The following AKAP19 variants were observed in gnomAD, a reference collection of about 807,000 sequenced individuals.
AKAP19 encodes small A-kinase anchoring protein.
chr2:190,062,766 C>T, the AKAP19 span: 1 of 610,324 alleles, frequency 1.6e-6, no homozygotes, highest in African/African-American at 1.9e-5. Flanking sequence ...TATATTCCAA[C>T]TTAGATGAGA....
chr2:189,981,216 G>C, the AKAP19 span, among the ~76,000 whole-genome samples: 2 of 150,970 alleles, frequency 1.3e-5, no homozygotes, highest in Non-Finnish European at 2.9e-5. Flanking sequence ...TTATTCAGCA[G>C]AGTTAAATCT....
At chr2:190,138,546 G>A in the AKAP19 span, among the ~76,000 whole-genome samples, 1 of 152,086 alleles carries the variant, frequency 6.6e-6, no homozygotes, top group African/African-American at 2.4e-5. Flanking sequence ...TTATCCCCAT[G>A]GCTGCTGAGA....
At chr2:190,084,155 T>C in the AKAP19 span, among the ~76,000 whole-genome samples, 1 of 148,306 alleles carries the variant, frequency 6.7e-6, no homozygotes, top group African/African-American at 2.5e-5. Flanking sequence ...TGCAGTGGCA[T>C]GGTCTCTGCT....
the AKAP19 span, among the ~76,000 whole-genome samples, chr2:190,116,529 T>C: frequency 6.6e-6 from 1 of 152,300 alleles, no homozygotes; most frequent in South Asian, 2.1e-4. Context: ...CAGTTAAAAC[T>C]ATAGCACATT....
At chr2:189,906,669 G>A in the AKAP19 span, among the ~76,000 whole-genome samples, 1 of 152,154 alleles carries the variant, frequency 6.6e-6, no homozygotes, top group East Asian at 1.9e-4. Flanking sequence ...TAGCTGCATA[G>A]TATTCCAACA....
chr2:189,961,984 C>T, the AKAP19 span, among the ~76,000 whole-genome samples: 4 of 151,514 alleles, frequency 2.6e-5, no homozygotes, highest in Admixed American at 2.6e-4. Flanking sequence ...TATTTTCATA[C>T]AAATGAATGG....
chr2:189,882,403 G>C, the AKAP19 span, among the ~76,000 whole-genome samples: 1 of 152,102 alleles, frequency 6.6e-6, no homozygotes. Context: ...TCAGGGTACA[G>C]CTTGCTTTTA....
the AKAP19 span, among the ~76,000 whole-genome samples, chr2:189,975,772 A>G: frequency 2.1e-4 from 32 of 152,330 alleles, no homozygotes; most frequent in African/African-American, 7.7e-4. Flanking sequence ...CAGTTGATCG[A>G]ATCGGCTACT....
chr2:189,978,623 A>T, the AKAP19 span, among the ~76,000 whole-genome samples: 1 of 152,338 alleles, frequency 6.6e-6, no homozygotes, highest in Admixed American at 6.5e-5. Context: ...TTTCAAAAAC[A>T]AAATTAAAAA....
chr2:190,048,984 A>G, the AKAP19 span, among the ~76,000 whole-genome samples: 4 of 152,146 alleles, frequency 2.6e-5, no homozygotes, highest in Non-Finnish European at 5.9e-5. Context: ...TTTGGAATAT[A>G]CTCCTCACAT....
At chr2:189,948,025 A>C in the AKAP19 span, among the ~76,000 whole-genome samples, 8 of 152,236 alleles carry the variant, frequency 5.3e-5, no homozygotes, top group African/African-American at 1.7e-4. Flanking sequence ...TGAATCATGA[A>C]ATATTTAACG....
the AKAP19 span, among the ~76,000 whole-genome samples, chr2:190,000,361 A>G: frequency 1.3e-5 from 2 of 152,228 alleles, no homozygotes; most frequent in Non-Finnish European, 2.9e-5. Flanking sequence ...CAGGTCAGCT[A>G]TCTTCTAAGC....
the AKAP19 span, among the ~76,000 whole-genome samples, chr2:189,972,827 GA>G: frequency 6.6e-6 from 1 of 152,180 alleles, no homozygotes; most frequent in Non-Finnish European, 1.5e-5. Flanking sequence ...TTTGCACATT[GA>G]TTTTGTATCC....
At chr2:190,037,902 A>G in the AKAP19 span, among the ~76,000 whole-genome samples, 1 of 152,190 alleles carries the variant, frequency 6.6e-6, no homozygotes, top group African/African-American at 2.4e-5. Flanking sequence ...TTTACAATGA[A>G]AAATTTAGGG....
the AKAP19 span, among the ~76,000 whole-genome samples, chr2:189,910,302 T>C: frequency 6.6e-6 from 1 of 152,102 alleles, no homozygotes; most frequent in Non-Finnish European, 1.5e-5. Flanking sequence ...TTGATAGGCA[T>C]TAAGGATAAC....
chr2:190,004,109 T>C, the AKAP19 span, among the ~76,000 whole-genome samples: 2 of 144,982 alleles, frequency 1.4e-5, no homozygotes, highest in Non-Finnish European at 3.0e-5. Context: ...TCTACTCTAG[T>C]GGAAAATTCT....
the AKAP19 span, among the ~76,000 whole-genome samples, chr2:190,010,553 A>G: frequency 6.6e-6 from 1 of 152,174 alleles, no homozygotes; most frequent in African/African-American, 2.4e-5. Context: ...GTAAAATTCC[A>G]CTTAAAATGC....
At chr2:190,140,483 CA>C in the AKAP19 span, among the ~76,000 whole-genome samples, 1 of 152,332 alleles carries the variant, frequency 6.6e-6, no homozygotes, top group African/African-American at 2.4e-5. Flanking sequence ...GAAATCTAGG[CA>C]GAGGTTCCCA....
At chr2:189,976,902 A>G in the AKAP19 span, among the ~76,000 whole-genome samples, 17 of 152,242 alleles carry the variant, frequency 1.1e-4, no homozygotes, top group African/African-American at 4.1e-4. Context: ...AGGAAAGGGA[A>G]TTCCCTGACC....
Sources: allele counts gnomAD v4.1 joint callset (sites outside exome capture counted in the v4.1 genomes callset), GRCh38; gene constraint gnomAD v4.1.1; transcripts MANE v1.5; gene names NCBI Gene and HGNC (gene_info 2026-07-23, HGNC 2026-07-21).